Variants in NFXL1 observed in about 807,000 individuals in gnomAD.
NFXL1 encodes nuclear transcription factor, X-box binding like 1.
In NFXL1, 66 loss-of-function variants were observed where a neutral mutation model predicts 123.3. The ratio of observed to expected loss-of-function variants is 0.54; its 90% CI spans 0.44 to 0.66. The LOEUF is 0.66. Ranked by LOEUF, NFXL1 falls within the 30% of genes least tolerant of loss-of-function variation. NFXL1 has a pLI of 0.00. For missense variants in NFXL1, 944 were observed against 1,125.6 expected, an observed-to-expected ratio of 0.84 and a Z score of 2.31; for synonymous variants, 346 against 360.8, an observed-to-expected ratio of 0.96 and a Z score of 0.46.
intron 10 of NFXL1, among the ~76,000 whole-genome samples, chr4:47,894,593 C>T (rs186385598): frequency 1.8e-4 from 27 of 149,732 alleles, no homozygotes; most frequent in African/African-American, 5.6e-4. Flanking sequence ...ACAACCATAA[C>T]ATCTGCAACT....
rs761183882 is a variant in NFXL1, at chr4:47,899,420, C to T, written c.776G>A (p.Arg259His). 51 of 1,613,678 alleles carry T rather than the reference C, an allele frequency of 3.2e-5. No individual in the cohort carries two copies. Among genetic ancestry groups the T allele is most frequent in the Admixed American group, 1.0e-4 (6 of 59,966 alleles). ...ATGGCCACAAGGAGGTTTAAATTCA[C>T]GCTCACATACTTGGCCACATGAATG... is the stretch of plus-strand genomic sequence containing the variant. ...VPHSCGQVCE[R>H]EFKPPCGHKC... The change falls in exon 6 of 23, where the codon CGT becomes CAT. Residue 259 changes from arginine (R) to histidine (H), a missense_variant. By Grantham distance (29) the Arg-to-His change is conservative. Coordinates refer to ENST00000507489, the MANE Select transcript of NFXL1 (RefSeq NM_001278624.2).
chr4:47,867,296 C>T (rs950959861), intron 18 of NFXL1, among the ~76,000 whole-genome samples: 1 of 151,108 alleles, frequency 6.6e-6, no homozygotes, highest in African/African-American at 2.4e-5. Flanking sequence ...TTACAAGGTG[C>T]TCATGAAAGA....
intron 22 of NFXL1, 124 bp downstream of exon 22, chr4:47,850,971 G>C: frequency 1.5e-6 from 1 of 669,088 alleles, no homozygotes; most frequent in Non-Finnish European, 2.6e-6. Context: ...TGTTTTACAA[G>C]AACTGTTATT....
At chr4:47,894,727 T>C (rs1279581365) in intron 10 of NFXL1, among the ~76,000 whole-genome samples, 1 of 152,130 alleles carries the variant, frequency 6.6e-6, no homozygotes, top group Non-Finnish European at 1.5e-5. Context: ...TCTACTGAAG[T>C]CTTGAACACT....
At chr4:47,848,846 G>A (rs544396510) in intron 22 of NFXL1, among the ~76,000 whole-genome samples, 56 of 152,104 alleles carry the variant, frequency 3.7e-4, no homozygotes, top group African/African-American at 1.2e-3. Flanking sequence ...CCGAGATGGC[G>A]CCACTGTACT....
At chr4:47,899,889 T>C (rs1319790493) in intron 5 of NFXL1, among the ~76,000 whole-genome samples, 1 of 152,200 alleles carries the variant, frequency 6.6e-6, no homozygotes. Flanking sequence ...CTGAAACAGC[T>C]ACATGTGGCT....
chr4:47,865,467 C>A, intron 18 of NFXL1, among the ~76,000 whole-genome samples: 1 of 127,990 alleles, frequency 7.8e-6, no homozygotes. Flanking sequence ...TTTCTACAAA[C>A]TTCAAATTAC....
chr4:47,886,894 T>C (rs1431412242), intron 12 of NFXL1, among the ~76,000 whole-genome samples: 1 of 152,204 alleles, frequency 6.6e-6, no homozygotes, highest in Non-Finnish European at 1.5e-5. Context: ...TTTAGATGAA[T>C]TCCCAATAAC....
At chr4:47,882,853 T>G (rs561977257) in intron 15 of NFXL1, among the ~76,000 whole-genome samples, 1 of 152,304 alleles carries the variant, frequency 6.6e-6, no homozygotes, top group South Asian at 2.1e-4. Flanking sequence ...CAAGATCATG[T>G]CATCTGAAAA....
At position 47,894,259 on chromosome 4, in the gene NFXL1, A is replaced by G. The variant is rs962436409; in HGVS notation, c.1373T>C (p.Met458Thr). ...HCRCGKHTKR[M>T]PCHKPYLCET... The stretch of plus-strand genomic sequence containing the variant: ...ACACAGATAAGGTTTATGACAAGGC[A>G]TTCGTTTTGTATGCTTTCCACAGCG... The change falls in exon 11 of 23, where the codon ATG becomes ACG. Residue 458 changes from methionine to threonine, a missense_variant. Around this residue, in one of 4 missense-constraint regions of NFXL1, gnomAD observed 296 missense variants for 395.1 expected, o/e 0.75. Transcript: ENST00000507489. 1.2e-6 allele frequency: 2 copies of G among 1,603,756 alleles called. No homozygotes were observed. Among genetic ancestry groups the G allele is most frequent in the Non-Finnish European group, 1.7e-6 (2 of 1,174,124 alleles).
intron 15 of NFXL1, among the ~76,000 whole-genome samples, chr4:47,881,464 T>C (rs1736111444): frequency 6.6e-6 from 1 of 152,168 alleles, no homozygotes; most frequent in African/African-American, 2.4e-5. Flanking sequence ...AGTAAACTGT[T>C]TGACAGCTTC....
At chr4:47,850,072 A>C (rs943067961) in intron 22 of NFXL1, among the ~76,000 whole-genome samples, 1 of 152,122 alleles carries the variant, frequency 6.6e-6, no homozygotes, top group Non-Finnish European at 1.5e-5. Context: ...GTCAGTAAAC[A>C]GGGAATGTAT....
At chr4:47,853,217 A>C (rs1192672307) in intron 20 of NFXL1, among the ~76,000 whole-genome samples, 3 of 152,166 alleles carry the variant, frequency 2.0e-5, no homozygotes, top group Non-Finnish European at 2.9e-5. Flanking sequence ...GAACACAGTA[A>C]GAAATAAACA....
intron 15 of NFXL1, 41 bp downstream of exon 15, chr4:47,884,305 G>GTTT (rs755759292): frequency 2.0e-5 from 24 of 1,210,306 alleles, no homozygotes; most frequent in Non-Finnish European, 2.8e-5. Flanking sequence ...TATGTCAAAA[G>GTTT]TTTTTTGTTT....
At chr4:47,850,162 C>G (rs1241796902) in intron 22 of NFXL1, among the ~76,000 whole-genome samples, 1 of 152,042 alleles carries the variant, frequency 6.6e-6, no homozygotes, top group African/African-American at 2.4e-5. Context: ...TTCTTAATAA[C>G]TTAATCTCCT....
chr4:47,898,182 G>T, intron 8 of NFXL1, 101 bp from the exon 9 acceptor site: 1 of 644,820 alleles, frequency 1.6e-6, no homozygotes, highest in Non-Finnish European at 2.7e-6. Context: ...ATAAACAACT[G>T]CTTTACGTCC....
intron 5 of NFXL1, among the ~76,000 whole-genome samples, chr4:47,900,367 G>A (rs1470442076): frequency 6.6e-6 from 1 of 152,042 alleles, no homozygotes; most frequent in Admixed American, 6.5e-5. Flanking sequence ...ACGCCACCAC[G>A]TCCAGCTAAT....
chr4:47,884,893 G>C (rs1358361971), intron 14 of NFXL1, among the ~76,000 whole-genome samples: 7 of 152,064 alleles, frequency 4.6e-5, no homozygotes, highest in African/African-American at 1.7e-4. Context: ...TTGGGAGGCG[G>C]AGGCGGGCAG....
At position 47,871,225 on chromosome 4, in the gene NFXL1, C is replaced by T. The variant is rs955507104; in HGVS notation, c.2246+3902G>A. Among the ~76,000 whole-genome samples the T allele has an allele frequency of 5.3e-5, 8 of 151,924 alleles. No individual in the cohort carries two copies. The East Asian group carries it at 7.7e-4, about 15-fold the overall frequency. ...AAAATTAGCTGGGCGTGGTGGCAGG[C>T]GCCTGTAGTCCCAGCTACGCGGGAG... is the stretch of plus-strand genomic sequence containing the variant. On this transcript the variant is annotated intron_variant, in intron 18 of 22. Coordinates refer to ENST00000507489, the MANE Select transcript of NFXL1 (RefSeq NM_001278624.2).
Sources: gnomAD v4.1 joint callset for allele counts (sites outside exome capture counted in the v4.1 genomes callset) on GRCh38, gnomAD v4.1.1 for gene constraint, gnomAD v4.1.1 regional missense constraint, MANE v1.5 for transcripts, NCBI Gene and HGNC (gene_info 2026-07-23, HGNC 2026-07-21) for gene names.